Variants in ARHGAP31 observed in about 807,000 individuals in gnomAD.
ARHGAP31 encodes the protein Rho GTPase activating protein 31.
Under a neutral mutation model 113.9 loss-of-function variants are expected in ARHGAP31, and 34 were observed. The ratio of observed to expected loss-of-function variants is 0.30; its 90% confidence interval spans 0.23 to 0.40. The LOEUF (loss-of-function observed/expected upper bound fraction) is 0.40, where lower values mean the gene tolerates loss of function less well. Ranked by LOEUF, ARHGAP31 falls within the 10% of genes least tolerant of loss-of-function variation. ARHGAP31 has a pLI of 1.00. For synonymous variants in ARHGAP31, 650 were observed against 684.8 expected (o/e 0.95, Z 0.79); for missense variants, 1,548 against 1,767.1 (o/e 0.88, Z 2.22).
At position 119,415,820 on chromosome 3, in the gene ARHGAP31, G is replaced by T. The variant is rs758973761; in HGVS notation, c.3891G>T (p.Leu1297=). 6 of 1,614,230 alleles carry T rather than the reference G, an allele frequency of 3.7e-6. No homozygotes were observed. Among genetic ancestry groups the T allele is most frequent in the Admixed American group, 1.7e-5 (1 of 60,026 alleles). ...TLSPEPGSSN[L]LSTQDAVVQC... is the part of the protein sequence containing the mutation. ...CTCCAGAACCAGGCTCGTCTAACCT[G>T]CTCTCCACCCAGGATGCAGTAGTGC... The change falls in exon 12 of 12, where the codon CTG becomes CTT. Residue 1297 remains leucine, a synonymous_variant. Coordinates refer to ENST00000264245, the MANE Select transcript of ARHGAP31 (RefSeq NM_020754.4).
Position 119,416,708 on chromosome 3 carries a change from T to C in ARHGAP31, c.*444T>C, listed in dbSNP as rs527779726. ...TTGGGGTTAGAAGGCCTCCTCTTTA[T>C]GCTTTTTAATGCTCTTTCAAACGTG... is the stretch of plus-strand genomic sequence containing the variant. On this transcript the variant is annotated 3_prime_UTR_variant, in exon 12 of 12. Coordinates refer to ENST00000264245, the MANE Select transcript of ARHGAP31 (RefSeq NM_020754.4). 2 of 242,070 alleles carry C rather than the reference T, an allele frequency of 8.3e-6. No homozygotes were observed. Among genetic ancestry groups the C allele is most frequent in the East Asian group, 2.1e-4 (2 of 9,390 alleles). 15.0% of individuals were successfully genotyped at this position (242,070 alleles called of 1,614,324 possible).
chr3:119,372,483 A>G (rs1012823898), intron 3 of ARHGAP31, among the ~76,000 whole-genome samples: 1 of 151,988 alleles, frequency 6.6e-6, no homozygotes, highest in African/African-American at 2.4e-5. Context: ...GGGTTTCGCC[A>G]TGTTGGCCAG....
intron 1 of ARHGAP31, among the ~76,000 whole-genome samples, chr3:119,340,429 T>C (rs565376748): frequency 2.6e-5 from 4 of 152,312 alleles, no homozygotes; most frequent in African/African-American, 9.6e-5. Flanking sequence ...TCTCCAGAGG[T>C]AGCTCTCCCA....
intron 1 of ARHGAP31, among the ~76,000 whole-genome samples, chr3:119,343,405 G>A (rs1213604201): frequency 1.3e-5 from 2 of 152,200 alleles, no homozygotes; most frequent in Non-Finnish European, 2.9e-5. Flanking sequence ...GGTTGGATTG[G>A]ATGAAGTAAT....
chr3:119,321,712 G>C lies in ARHGAP31; in HGVS notation c.100+26708G>C, dbSNP rs546857766. ...TGCCCAGGCCAGAGTGCAGTGTCAC[G>C]ATCTCAGCTCATTGAAGCCTCTACC... On this transcript the variant is annotated intron_variant, in intron 1 of 11. Coordinates refer to ENST00000264245, the MANE Select transcript of ARHGAP31 (RefSeq NM_020754.4). 1.1e-4 allele frequency among the ~76,000 whole-genome samples: 16 copies of C among 152,220 alleles called. No homozygotes were observed. The South Asian group carries it at 2.9e-3, about 28-fold the overall frequency.
At position 119,416,695 on chromosome 3, in the gene ARHGAP31, G is replaced by A; in HGVS notation, c.*431G>A. On this transcript the variant is annotated 3_prime_UTR_variant, in exon 12 of 12. Transcript: ENST00000264245. ...CAAAATGTTGCTATTGGGGTTAGAA[G>A]GCCTCCTCTTTATGCTTTTTAATGC... 1 of 265,066 alleles carries A rather than the reference G, an allele frequency of 3.8e-6. No homozygotes were observed. The highest frequency in any genetic ancestry group is 7.3e-6 in the Non-Finnish European group (1 of 136,672). The allele number at this position is 265,066 out of a possible 1,614,324, so 16.4% of individuals were successfully genotyped here. A position where few individuals can be genotyped will look rare whatever the true frequency, so the allele number is the denominator to read the frequency against.
chr3:119,336,373 C>T (rs1429787231), intron 1 of ARHGAP31, among the ~76,000 whole-genome samples: 1 of 143,408 alleles, frequency 7.0e-6, no homozygotes, highest in African/African-American at 2.6e-5. Context: ...ATCAGCCAGT[C>T]GCTAGATGGG....
intron 11 of ARHGAP31, among the ~76,000 whole-genome samples, chr3:119,409,992 A>T (rs1035253785): frequency 6.6e-6 from 1 of 152,240 alleles, no homozygotes. Context: ...CATCCTGTTC[A>T]GATTCCCTAA....
chr3:119,333,649 C>T (rs2079916374), intron 1 of ARHGAP31, among the ~76,000 whole-genome samples: 2 of 152,198 alleles, frequency 1.3e-5, no homozygotes, highest in African/African-American at 4.8e-5. Flanking sequence ...CACTTATTAC[C>T]TCCATTGACA....
intron 1 of ARHGAP31, among the ~76,000 whole-genome samples, chr3:119,324,058 T>TTGCCATCCC (rs201106743): frequency 0.071 from 10,749 of 152,178 alleles, 395 homozygotes; most frequent in Non-Finnish European, 0.079. Context: ...AGTGGGGCTC[T>TTGCCATCCC]TGCCATCCCT....
At chr3:119,295,699 ATAGTT>A (rs2079528989) in intron 1 of ARHGAP31, among the ~76,000 whole-genome samples, 1 of 147,976 alleles carries the variant, frequency 6.8e-6, no homozygotes, top group Non-Finnish European at 1.5e-5. Flanking sequence ...CCATTTTTAA[ATAGTT>A]TAGGGTAAGT....
intron 10 of ARHGAP31, 149 bp from the exon 11 acceptor site, chr3:119,409,347 A>G (rs2080694521): frequency 2.2e-6 from 2 of 923,764 alleles, no homozygotes; most frequent in Middle Eastern, 3.1e-4. Context: ...CATTGCTAGG[A>G]TAAAAGAGTA....
At chr3:119,340,617 A>T (rs139477046) in intron 1 of ARHGAP31, among the ~76,000 whole-genome samples, 17 of 152,336 alleles carry the variant, frequency 1.1e-4, no homozygotes, top group African/African-American at 3.1e-4. Context: ...TCTTAAAAGG[A>T]GAATGACAGT....
chr3:119,352,959 T>C (rs1229040546), intron 1 of ARHGAP31, among the ~76,000 whole-genome samples: 1 of 152,212 alleles, frequency 6.6e-6, no homozygotes, highest in Non-Finnish European at 1.5e-5. Flanking sequence ...CTATTCTCTG[T>C]TTCCTGCCCC....
chr3:119,295,030 C>T (rs2079520628), intron 1 of ARHGAP31, 26 bp downstream of exon 1: 1 of 1,603,888 alleles, frequency 6.2e-7, no homozygotes, highest in Non-Finnish European at 8.5e-7. Context: ...CTTTCTCCCC[C>T]GCCCCCACCT....
rs139049724 is a variant in ARHGAP31, at chr3:119,375,438, A to G, written c.349-5466A>G. ...TCAGATCTCCCTTTGCCCTGCTCCT[A>G]TATAGATACCCATGACTGCATTTAG... On this transcript the variant is annotated intron_variant, in intron 3 of 11. Transcript: ENST00000264245. 2.6e-5 allele frequency among the ~76,000 whole-genome samples: 4 copies of G among 152,156 alleles called. No individual in the cohort carries two copies. In the East Asian group the frequency reaches 5.8e-4, roughly 22 times the overall value.
chr3:119,402,513 G>T, intron 10 of ARHGAP31, 116 bp downstream of exon 10: 1 of 1,127,240 alleles, frequency 8.9e-7, no homozygotes, highest in Non-Finnish European at 1.3e-6. Flanking sequence ...TCTAGAGCCC[G>T]ATTGGGTACA....
At chr3:119,410,049 A>T (rs928564176) in intron 11 of ARHGAP31, among the ~76,000 whole-genome samples, 2 of 152,160 alleles carry the variant, frequency 1.3e-5, no homozygotes, top group African/African-American at 4.8e-5. Flanking sequence ...ACCATAAGCC[A>T]GTAACATGTC....
chr3:119,395,400 T>C (rs547045318), intron 8 of ARHGAP31, among the ~76,000 whole-genome samples: 1 of 152,192 alleles, frequency 6.6e-6, no homozygotes, highest in Non-Finnish European at 1.5e-5. Flanking sequence ...GGGGGTTTAA[T>C]ACAGGGGCTC....
Sources: gnomAD v4.1 joint callset for allele counts (sites outside exome capture counted in the v4.1 genomes callset) on GRCh38, gnomAD v4.1.1 for gene constraint, MANE v1.5 for transcripts, NCBI Gene and HGNC (gene_info 2026-07-23, HGNC 2026-07-21) for gene names.